Variants in MYO6 observed in about 807,000 individuals in gnomAD.
The protein encoded by MYO6 is myosin VI.
A neutral mutation model predicts 178.7 loss-of-function variants in MYO6; 74 were observed. The observed-to-expected ratio is 0.41, with a 90% CI of 0.34 to 0.50. The LOEUF (loss-of-function observed/expected upper bound fraction) is 0.50. Ranked by LOEUF, MYO6 falls within the 20% of genes least tolerant of loss-of-function variation. The pLI is 0.09. For missense variants in MYO6, 1,330 were observed against 1,547.4 expected (o/e 0.86, Z 2.36); for synonymous variants, 477 against 504.6 (o/e 0.95, Z 0.73).
In MYO6 at chr6:75,859,060, T is replaced by C. The variant is rs113300962; in HGVS notation, c.1473+67T>C. On this transcript the variant is annotated intron_variant, in intron 14 of 34. Coordinates refer to ENST00000369977, the MANE Select transcript of MYO6 (RefSeq NM_004999.4). ...TATTTTAAATTTTAAGGAAGAGATA[T>C]GCTGCAGTTACCCTGATTGGTGTGG... 9.7e-4 allele frequency: 1,020 copies of C among 1,052,350 alleles called. 10 individuals carry two copies. In the African/African-American group the frequency reaches 0.014, roughly 15 times the overall value. The allele number at this position is 1,052,350 out of a possible 1,614,324, so 65.2% of individuals were successfully genotyped here.
chr6:75,787,511 A>C (rs1767691016), intron 1 of MYO6, among the ~76,000 whole-genome samples: 1 of 151,798 alleles, frequency 6.6e-6, no homozygotes, highest in Non-Finnish European at 1.5e-5. Flanking sequence ...CATATATATG[A>C]AATTCTAGAA....
chr6:75,797,492 A>T (rs1300989071), intron 1 of MYO6, among the ~76,000 whole-genome samples: 2 of 151,846 alleles, frequency 1.3e-5, no homozygotes, highest in Non-Finnish European at 2.9e-5. Context: ...CAGTCATGTA[A>T]TTGCTGGGTC....
intron 1 of MYO6, among the ~76,000 whole-genome samples, chr6:75,750,166 TC>T (rs2149937011): frequency 6.7e-6 from 1 of 149,598 alleles, no homozygotes; most frequent in East Asian, 2.0e-4. Flanking sequence ...TGCGATTTCC[TC>T]TCACTGCACC....
chr6:75,751,119 A>C (rs1279040273), intron 1 of MYO6, among the ~76,000 whole-genome samples: 1 of 152,232 alleles, frequency 6.6e-6, no homozygotes, highest in Non-Finnish European at 1.5e-5. Context: ...AAATGTTACA[A>C]AGTGGGCTAT....
intron 25 of MYO6, among the ~76,000 whole-genome samples, 168 bp downstream of exon 25, chr6:75,887,162 G>A (rs547828644): frequency 2.0e-5 from 3 of 152,224 alleles, no homozygotes; most frequent in African/African-American, 7.2e-5. Flanking sequence ...TACTCTTTAT[G>A]TTTGAAAAAT....
chr6:75,897,442 C>T (rs1046854729), intron 29 of MYO6, among the ~76,000 whole-genome samples: 1 of 152,198 alleles, frequency 6.6e-6, no homozygotes, highest in African/African-American at 2.4e-5. Flanking sequence ...TCATAGACCT[C>T]CATCCATACA....
chr6:75,908,462 T>C, intron 31 of MYO6, 34 bp from the exon 32 acceptor site: 2 of 1,603,300 alleles, frequency 1.2e-6, no homozygotes, highest in African/African-American at 1.3e-5. Flanking sequence ...AATTAACATG[T>C]CAATTTTTTT....
chr6:75,908,363 T>G (rs949152283), intron 31 of MYO6, 133 bp from the exon 32 acceptor site: 2 of 784,034 alleles, frequency 2.6e-6, no homozygotes, highest in African/African-American at 1.8e-5. Flanking sequence ...TATGAATAAT[T>G]AGCTTACTTT....
intron 13 of MYO6, 59 bp from the exon 14 acceptor site, chr6:75,858,843 G>C: frequency 1.0e-6 from 1 of 990,076 alleles, no homozygotes; most frequent in East Asian, 2.6e-5. Context: ...TTTATCCTAT[G>C]ATAAATTTAT....
intron 9 of MYO6, 50 bp downstream of exon 9, chr6:75,841,428 C>G: frequency 1.9e-6 from 3 of 1,545,852 alleles, no homozygotes; most frequent in Non-Finnish European, 1.8e-6. Flanking sequence ...GTGGCTCATG[C>G]CTGTAATCCC....
Position 75,866,517 on chromosome 6 carries a change from GT to G in MYO6, c.1675-4del. On this transcript the variant is annotated splice_region_variant and splice_polypyrimidine_tract_variant and intron_variant, in intron 16 of 34. Transcript: ENST00000369977. ...TCATTTAATAACTCATATATGTATT[GT>G]TTTTCAGATTCCCAGAAAATCTAAG... is the stretch of plus-strand genomic sequence containing the variant. 1.2e-6 allele frequency: 2 copies of G among 1,602,002 alleles called. No homozygotes were observed. Among genetic ancestry groups the G allele is most frequent in the Non-Finnish European group, 1.7e-6 (2 of 1,169,064 alleles).
At chr6:75,798,986 G>A (rs1313203052) in intron 1 of MYO6, among the ~76,000 whole-genome samples, 1 of 152,112 alleles carries the variant, frequency 6.6e-6, no homozygotes, top group Non-Finnish European at 1.5e-5. Flanking sequence ...GTCAAATCAA[G>A]AACACAATCC....
intron 1 of MYO6, among the ~76,000 whole-genome samples, chr6:75,764,528 C>T (rs922692500): frequency 3.3e-5 from 5 of 152,106 alleles, no homozygotes; most frequent in African/African-American, 9.7e-5. Context: ...GTATGTGTAT[C>T]TTCTTTCATT....
In MYO6 at chr6:75,891,294, A is replaced by G. The variant is rs749375236; in HGVS notation, c.2934A>G (p.Glu978=). The change falls in exon 27 of 35, where the codon GAA becomes GAG. Residue 978 remains glutamate, a synonymous_variant. Transcript: ENST00000369977. ...AGAGAAAGAAAAGGGAAGATGATGA[A>G]AAACGCATTCAAGTATGTACTTACT... The part of the protein sequence containing the change: ...EEERKKREDD[E]KRIQAEVEAQ... 1 of 1,606,918 alleles carries G rather than the reference A, an allele frequency of 6.2e-7. No homozygotes were observed. Among genetic ancestry groups the G allele is most frequent in the Admixed American group, 1.7e-5 (1 of 59,764 alleles).
intron 1 of MYO6, among the ~76,000 whole-genome samples, chr6:75,785,453 G>A (rs943896395): frequency 6.9e-6 from 1 of 144,022 alleles, no homozygotes; most frequent in Non-Finnish European, 1.5e-5. Flanking sequence ...GTTTTGTTTT[G>A]TTTTTTGGTC....
Position 75,754,519 on chromosome 6 carries a change from C to CAA in MYO6, c.-48+5122_-48+5123dup, listed in dbSNP as rs58162315. On this transcript the variant is annotated intron_variant, in intron 1 of 34. Coordinates refer to ENST00000369977, the MANE Select transcript of MYO6 (RefSeq NM_004999.4). The stretch of plus-strand genomic sequence containing the variant: ...TGGACGATTGAGTGAGACTCCGTCT[C>CAA]AAAAAAAAAAAAAAAAAAAAAAAAA... 2.2e-3 allele frequency among the ~76,000 whole-genome samples: 97 copies of CAA among 44,160 alleles called. 12 individuals are homozygous for CAA. The highest frequency in any genetic ancestry group is 0.011 in the African/African-American group (80 of 7,504). 29.0% of individuals were successfully genotyped at this position (44,160 alleles called of 152,430 possible). A position where few individuals can be genotyped will look rare whatever the true frequency, so the allele number is the denominator to read the frequency against.
At chr6:75,837,390 C>A (rs1169755589) in intron 7 of MYO6, among the ~76,000 whole-genome samples, 1 of 152,142 alleles carries the variant, frequency 6.6e-6, no homozygotes, top group Non-Finnish European at 1.5e-5. Context: ...TTAACACTCT[C>A]TTGGCATTTT....
At chr6:75,768,310 C>T (rs966123437) in intron 1 of MYO6, among the ~76,000 whole-genome samples, 1 of 151,136 alleles carries the variant, frequency 6.6e-6, no homozygotes. Context: ...GAGTTTTCCT[C>T]CAAGTGTAAA....
At chr6:75,840,759 T>C (rs1283161063) in intron 8 of MYO6, 77 bp downstream of exon 8, 1 of 1,043,214 alleles carries the variant, frequency 9.6e-7, no homozygotes, top group Admixed American at 1.9e-5. Context: ...GTGCTGTATT[T>C]GCACTTAATG....
Sources: allele counts gnomAD v4.1 joint callset (sites outside exome capture counted in the v4.1 genomes callset), GRCh38; gene constraint gnomAD v4.1.1; transcripts MANE v1.5; gene names NCBI Gene and HGNC (gene_info 2026-07-23, HGNC 2026-07-21).